The following AK4 variants were observed in gnomAD, a reference collection of about 807,000 sequenced individuals.
AK4 encodes adenylate kinase 4, also known as adenylate kinase 4, mitochondrial.
In AK4, 13 loss-of-function variants were observed where a neutral mutation model predicts 24.6. That is an observed-to-expected ratio of 0.53 (90% CI 0.34 to 0.84). The LOEUF (loss-of-function observed/expected upper bound fraction) is 0.84, where lower values mean the gene tolerates loss of function less well. Among genes scored for constraint, AK4 ranks in the 40% least tolerant of loss-of-function variants. The probability of loss-of-function intolerance (pLI) is 0.01; values close to 1 mark genes in which losing one functional copy is unlikely to be tolerated. For missense variants in AK4, 192 were observed against 288.2 expected, an observed-to-expected ratio of 0.67 and a Z score of 2.42; for synonymous variants, 88 against 107.0, an observed-to-expected ratio of 0.82 and a Z score of 1.10.
chr1:65,153,026 T>TC (rs1022841239), intron 1 of AK4, among the ~76,000 whole-genome samples: 7 of 151,896 alleles, frequency 4.6e-5, no homozygotes, highest in African/African-American at 9.7e-5. Context: ...CTATTCCATT[T>TC]CCCCCCCTAG....
At chr1:65,192,744 A>G (rs925095821) in intron 2 of AK4, among the ~76,000 whole-genome samples, 3 of 152,208 alleles carry the variant, frequency 2.0e-5, no homozygotes, top group Admixed American at 6.5e-5. Flanking sequence ...AGGAAGGTGT[A>G]TGATGGACAT....
At chr1:65,196,739 T>TCC (rs1651484414) in intron 2 of AK4, among the ~76,000 whole-genome samples, 1 of 152,170 alleles carries the variant, frequency 6.6e-6, no homozygotes, top group Non-Finnish European at 1.5e-5. Flanking sequence ...GTGCTGGGAT[T>TCC]ACAGGCATGA....
At chr1:65,225,720 A>G (rs1262508165) in intron 4 of AK4, among the ~76,000 whole-genome samples, 1 of 152,120 alleles carries the variant, frequency 6.6e-6, no homozygotes, top group Non-Finnish European at 1.5e-5. Context: ...TCCATGATTG[A>G]CTAAGTAATA....
chr1:65,220,360 C>A (rs368056755), intron 3 of AK4, among the ~76,000 whole-genome samples: 37 of 152,304 alleles, frequency 2.4e-4, no homozygotes, highest in African/African-American at 7.7e-4. Context: ...ATAAATGTTT[C>A]TATTTCTCCA....
At chr1:65,159,665 CCTT>C (rs892448224) in intron 1 of AK4, among the ~76,000 whole-genome samples, 4 of 150,914 alleles carry the variant, frequency 2.7e-5, no homozygotes, top group Non-Finnish European at 5.9e-5. Context: ...AGAGCGAAAA[CCTT>C]CTCAAAAAGA....
intron 1 of AK4, among the ~76,000 whole-genome samples, chr1:65,176,061 AAAG>A (rs1433891499): frequency 1.5e-4 from 23 of 152,262 alleles, no homozygotes; most frequent in Admixed American, 1.3e-3. Flanking sequence ...TTTAATTTTA[AAAG>A]AAGGTTACTG....
chr1:65,150,957 A>G (rs6671437), intron 1 of AK4, among the ~76,000 whole-genome samples: 122 of 151,696 alleles, frequency 8.0e-4, no homozygotes, highest in African/African-American at 2.8e-3. Context: ...TCCTCTGCAC[A>G]TAACTTTTTT....
chr1:65,159,276 A>T (rs758132213), intron 1 of AK4, among the ~76,000 whole-genome samples: 1 of 152,226 alleles, frequency 6.6e-6, no homozygotes, highest in African/African-American at 2.4e-5. Flanking sequence ...AATGAATGCA[A>T]ATTATCTCTA....
intron 1 of AK4, among the ~76,000 whole-genome samples, chr1:65,162,807 C>T (rs188905000): frequency 6.6e-6 from 1 of 152,156 alleles, no homozygotes; most frequent in African/African-American, 2.4e-5. Context: ...CAGTCACTCC[C>T]CATTTCCCCC....
At chr1:65,178,689 G>A (rs1650800225) in intron 1 of AK4, among the ~76,000 whole-genome samples, 1 of 152,140 alleles carries the variant, frequency 6.6e-6, no homozygotes, top group Non-Finnish European at 1.5e-5. Flanking sequence ...CTCCAGTGTG[G>A]GAAGCTTCTT....
intron 1 of AK4, among the ~76,000 whole-genome samples, chr1:65,155,872 A>G (rs577118975): frequency 1.3e-5 from 2 of 152,178 alleles, no homozygotes; most frequent in South Asian, 2.1e-4. Context: ...GTTTCACCGT[A>G]TTGGCCAGGC....
intron 1 of AK4, among the ~76,000 whole-genome samples, chr1:65,175,194 G>T (rs894745683): frequency 6.6e-6 from 1 of 152,182 alleles, no homozygotes; most frequent in East Asian, 1.9e-4. Context: ...GTGTTGGCCC[G>T]CTCAGTGGAC....
At chr1:65,211,026 A>G (rs919869350) in intron 2 of AK4, among the ~76,000 whole-genome samples, 1 of 152,188 alleles carries the variant, frequency 6.6e-6, no homozygotes, top group Non-Finnish European at 1.5e-5. Flanking sequence ...AAAGATGCTC[A>G]TTGCAGTATG....
intron 1 of AK4, among the ~76,000 whole-genome samples, chr1:65,178,336 G>A (rs1446654391): frequency 2.6e-5 from 4 of 152,204 alleles, no homozygotes; most frequent in Non-Finnish European, 5.9e-5. Context: ...TGGCTAAGGG[G>A]TGTGTGAGGC....
At chr1:65,202,498 T>G (rs1557460736) in intron 2 of AK4, among the ~76,000 whole-genome samples, 1 of 152,222 alleles carries the variant, frequency 6.6e-6, no homozygotes, top group African/African-American at 2.4e-5. Context: ...TTTGGGTGTG[T>G]CTTGACTTAC....
intron 1 of AK4, among the ~76,000 whole-genome samples, chr1:65,176,894 TA>T (rs1238380168): frequency 6.6e-6 from 1 of 152,212 alleles, no homozygotes; most frequent in Non-Finnish European, 1.5e-5. Flanking sequence ...TCAGTGTTTT[TA>T]AAAAGGTATT....
chr1:65,225,839 A>G (rs959099780), intron 4 of AK4, among the ~76,000 whole-genome samples: 1 of 152,184 alleles, frequency 6.6e-6, no homozygotes, highest in East Asian at 1.9e-4. Context: ...AAGGGGGAGA[A>G]AAAAGGTGGC....
chr1:65,161,694 A>G (rs1175895260), intron 1 of AK4, among the ~76,000 whole-genome samples: 3 of 152,118 alleles, frequency 2.0e-5, no homozygotes, highest in African/African-American at 7.2e-5. Context: ...TGCCATTTGA[A>G]TAGTAATTTT....
rs1447078920 is a variant in AK4 at position 65,228,303 on chromosome 1, A to G, written c.*2126A>G. 2 of 151,334 alleles carry G rather than the reference A, an allele frequency of 1.3e-5. No individual in the cohort carries two copies. The highest frequency in any genetic ancestry group is 4.9e-5 in the African/African-American group (2 of 41,210). The allele number at this position is 151,334 out of a possible 1,614,324, so 9.4% of individuals were successfully genotyped here. On this transcript the variant is annotated 3_prime_UTR_variant, in exon 5 of 5. Transcript: ENST00000327299. ...TCCCTTTGTGTTTAGCTGACCCTCCAATGTGATCATTGCCTTTGGAGTTTG... is the reference window on the plus strand; with the variant it reads ...TCCCTTTGTGTTTAGCTGACCCTCCGATGTGATCATTGCCTTTGGAGTTTG...
Sources: gnomAD v4.1 joint callset for allele counts (sites outside exome capture counted in the v4.1 genomes callset) on GRCh38, gnomAD v4.1.1 for gene constraint, MANE v1.5 for transcripts, NCBI Gene and HGNC (gene_info 2026-07-23, HGNC 2026-07-21) for gene names.